DENND5A: variants seen among roughly 807,000 people sequenced by gnomAD.
DENND5A encodes DENN domain containing 5A, also known as DENN domain-containing protein 5A.
A neutral mutation model predicts 140.3 loss-of-function variants in DENND5A; 64 were observed. That is an observed-to-expected ratio of 0.46 (90% CI 0.37 to 0.56). The LOEUF is 0.56. Among genes scored for constraint, DENND5A ranks in the 20% least tolerant of loss-of-function variants. DENND5A has a pLI of 0.00. For missense variants in DENND5A, 1,292 were observed against 1,593.8 expected (o/e 0.81, Z 3.22); for synonymous variants, 605 against 607.7 (o/e 1.00, Z 0.07).
chr11:9,180,745 C>G (rs752157408), intron 6 of DENND5A, 22 bp downstream of exon 6: 1 of 1,604,460 alleles, frequency 6.2e-7, no homozygotes, highest in South Asian at 1.1e-5. Flanking sequence ...ACACGTGTCA[C>G]AGACTCATAT....
rs531677105 is a variant in DENND5A at position 9,223,255 on chromosome 11, C to CG, written c.110-15624dup. ...AGAAAAAAAAAATTAAGGCTGGGTGCGGGGTCTCACGCCTGTAATCCCAGC... is the reference window on the plus strand; with the variant it reads ...AGAAAAAAAAAATTAAGGCTGGGTGCGGGGGTCTCACGCCTGTAATCCCAGC... On this transcript the variant is annotated intron_variant, in intron 1 of 22. Transcript: ENST00000328194. Among the ~76,000 whole-genome samples, 70 of 152,074 alleles carry CG rather than the reference C, an allele frequency of 4.6e-4. 2 individuals carry two copies. In the South Asian group the frequency reaches 0.014, roughly 31 times the overall value.
chr11:9,226,341 ACT>A (rs1044469166), intron 1 of DENND5A, among the ~76,000 whole-genome samples: 9 of 152,062 alleles, frequency 5.9e-5, no homozygotes, highest in African/African-American at 1.7e-4. Flanking sequence ...GGGTCAGGAG[ACT>A]CTCATTCAGA....
intron 1 of DENND5A, among the ~76,000 whole-genome samples, chr11:9,255,155 CACTT>C (rs1315280436): frequency 6.6e-6 from 1 of 152,030 alleles, no homozygotes; most frequent in Non-Finnish European, 1.5e-5. Context: ...CATGAGATAC[CACTT>C]ACAGCCACTA....
At chr11:9,175,875 T>C (rs1417650059) in intron 8 of DENND5A, among the ~76,000 whole-genome samples, 1 of 152,136 alleles carries the variant, frequency 6.6e-6, no homozygotes, top group Non-Finnish European at 1.5e-5. Flanking sequence ...TACAGGGAAA[T>C]ATAGGGTAAA....
chr11:9,188,323 T>C (rs1259944009), intron 5 of DENND5A, among the ~76,000 whole-genome samples: 1 of 152,218 alleles, frequency 6.6e-6, no homozygotes, highest in African/African-American at 2.4e-5. Flanking sequence ...GTTAAGTCCA[T>C]TAAACCTCTT....
chr11:9,231,738 T>C (rs1850783121), intron 1 of DENND5A, among the ~76,000 whole-genome samples: 1 of 89,570 alleles, frequency 1.1e-5, no homozygotes. Context: ...AAAAAGACTC[T>C]GGGAGCTTCC....
Position 9,179,016 on chromosome 11 carries a change from C to A in DENND5A, c.1513G>T (p.Glu505Ter). Residue 505 changes from glutamate to a stop codon, truncating the protein, a stop_gained, in exon 7 of 23, where the codon GAA (glutamate) becomes TAA (stop). Coordinates refer to ENST00000328194, the MANE Select transcript of DENND5A (RefSeq NM_015213.4). LOFTEE classifies it high-confidence loss of function. ...TTTAGCTGGTAAATCCTGAGTTCTT[C>A]TTCATCACACTGAACTTTGAGATCC... The part of the protein sequence containing the change: ...NKDLKVQCDE[E>*]ELRIYQLNIQ... 6.2e-7 allele frequency: 1 copy of A among 1,614,160 alleles called. No individual in the cohort carries two copies. The highest frequency in any genetic ancestry group is 8.5e-7 in the Non-Finnish European group (1 of 1,180,016).
chr11:9,160,682 G>T (rs1207230038), intron 12 of DENND5A, 31 bp downstream of exon 12: 1 of 1,583,642 alleles, frequency 6.3e-7, no homozygotes, highest in Non-Finnish European at 8.6e-7. Context: ...AAGACAATTT[G>T]CTCAGCAATG....
At chr11:9,214,746 C>T (rs570074607) in intron 1 of DENND5A, among the ~76,000 whole-genome samples, 24 of 152,294 alleles carry the variant, frequency 1.6e-4, no homozygotes, top group South Asian at 8.3e-4. Flanking sequence ...TTTTTTGAGA[C>T]GGAGTCTCGC....
In DENND5A at chr11:9,177,826, T is replaced by A. The variant is rs529559735; in HGVS notation, c.1906+306A>T. ...GTTCTTGTTTACATGGTTGAGCAGC[T>A]GAGCCAACCCCAGCAACCACCAATT... is the stretch of plus-strand genomic sequence containing the variant. On this transcript the variant is annotated intron_variant, in intron 8 of 22. Transcript: ENST00000328194. 19 of 239,766 alleles carry A rather than the reference T, an allele frequency of 7.9e-5. No homozygotes were observed. The East Asian group carries it at 1.3e-3, about 16-fold the overall frequency. The allele number at this position is 239,766 out of a possible 1,614,324, so 14.9% of individuals were successfully genotyped here.
intron 4 of DENND5A, among the ~76,000 whole-genome samples, chr11:9,193,948 T>C (rs1402640529): frequency 6.6e-6 from 1 of 152,174 alleles, no homozygotes; most frequent in Non-Finnish European, 1.5e-5. Context: ...ACAAAAATAA[T>C]TAATGACATC....
intron 11 of DENND5A, 145 bp from the exon 12 acceptor site, chr11:9,161,010 T>C (rs537158512): frequency 4.1e-5 from 33 of 796,922 alleles, no homozygotes; most frequent in East Asian, 3.7e-4. Context: ...AATATATTTA[T>C]ACCCATGTAG....
chr11:9,241,355 A>AG (rs1049042615), intron 1 of DENND5A, among the ~76,000 whole-genome samples: 2 of 152,156 alleles, frequency 1.3e-5, no homozygotes, highest in African/African-American at 4.8e-5. Context: ...CAGCGGGTAA[A>AG]GGGTGGGGTT....
chr11:9,213,218 C>A (rs982042676), intron 1 of DENND5A, among the ~76,000 whole-genome samples: 3 of 151,774 alleles, frequency 2.0e-5, no homozygotes, highest in Admixed American at 6.6e-5. Context: ...GTTGGCCAGG[C>A]TGGTCTCGAA....
intron 10 of DENND5A, among the ~76,000 whole-genome samples, chr11:9,167,382 C>T (rs376152906): frequency 5.3e-5 from 8 of 151,196 alleles, no homozygotes; most frequent in Non-Finnish European, 8.8e-5. Context: ...ATTCTGCCCA[C>T]AGCCTCCTTT....
At chr11:9,223,530 A>T (rs912357850) in intron 1 of DENND5A, among the ~76,000 whole-genome samples, 5 of 150,682 alleles carry the variant, frequency 3.3e-5, no homozygotes, top group African/African-American at 9.8e-5. Context: ...ACAGAGCGAG[A>T]CTCCATCTCA....
chr11:9,200,214 T>G (rs1381631099), intron 4 of DENND5A, among the ~76,000 whole-genome samples: 1 of 152,254 alleles, frequency 6.6e-6, no homozygotes, highest in African/African-American at 2.4e-5. Context: ...AAAAGCCTAC[T>G]GTATCTTCTA....
At chr11:9,177,892 G>A (rs1180721913) in intron 8 of DENND5A, 4 of 440,734 alleles carry the variant, frequency 9.1e-6, no homozygotes, top group Non-Finnish European at 1.6e-5. Flanking sequence ...CCCCCTATTT[G>A]TTTAACCCAC....
intron 3 of DENND5A, 112 bp from the exon 4 acceptor site, chr11:9,204,429 C>G: frequency 1.9e-6 from 2 of 1,039,680 alleles, no homozygotes; most frequent in Non-Finnish European, 1.4e-6. Context: ...GAGCGTGTAT[C>G]TGGCTTAAAG....
Sources: gnomAD v4.1 joint callset for allele counts (sites outside exome capture counted in the v4.1 genomes callset) on GRCh38, gnomAD v4.1.1 for gene constraint, MANE v1.5 for transcripts, NCBI Gene and HGNC (gene_info 2026-07-23, HGNC 2026-07-21) for gene names.